Variants in SP100 observed in about 807,000 individuals in gnomAD.
The protein encoded by SP100 is nuclear autoantigen Sp-100.
In SP100, 84 loss-of-function variants were observed where a neutral mutation model predicts 130.0. The observed-to-expected ratio is 0.65, with a 90% CI of 0.54 to 0.77. The LOEUF is 0.77. Among genes scored for constraint, SP100 ranks in the 30% least tolerant of loss-of-function variants. SP100 has a pLI of 0.00. For synonymous variants in SP100, 331 were observed against 351.7 expected, an observed-to-expected ratio of 0.94 and a Z score of 0.66; for missense variants, 978 against 1,052.2, an observed-to-expected ratio of 0.93 and a Z score of 0.97.
rs759665518 is a variant in SP100 at position 230,450,240 on chromosome 2, C to T, written c.805C>T (p.Pro269Ser). The change falls in exon 8 of 29, where the codon CCC becomes TCC. Residue 269 changes from proline (P) to serine (S), a missense_variant. Transcript: ENST00000340126. ...DAGREMPCPLPCDEESPEAEL... is the reference protein window; with the variant it reads ...DAGREMPCPLSCDEESPEAEL... The stretch of plus-strand genomic sequence containing the variant: ...TGGAAGGGAGATGCCCTGCCCGTTG[C>T]CCTGTGATGAAGAAAGTAATTATTG... 6.2e-7 allele frequency: 1 copy of T among 1,612,762 alleles called. No homozygotes were observed. The highest frequency in any genetic ancestry group is 8.5e-7 in the Non-Finnish European group (1 of 1,178,970).
At chr2:230,522,613 C>T (rs556148170) in intron 24 of SP100, among the ~76,000 whole-genome samples, 36 of 151,256 alleles carry the variant, frequency 2.4e-4, no homozygotes, top group African/African-American at 7.0e-4. Flanking sequence ...CTCAGCCTCC[C>T]GAGTAGCTGG....
intron 2 of SP100, among the ~76,000 whole-genome samples, chr2:230,433,082 CAG>C (rs1379648508): frequency 6.6e-6 from 1 of 152,140 alleles, no homozygotes; most frequent in Admixed American, 6.5e-5. Context: ...AAACTAAGCA[CAG>C]AGTCTTTTGT....
intron 8 of SP100, among the ~76,000 whole-genome samples, chr2:230,453,768 A>T (rs1218629966): frequency 6.6e-6 from 1 of 152,144 alleles, no homozygotes; most frequent in African/African-American, 2.4e-5. Context: ...CTTTTCTTGT[A>T]GTGTTCATGT....
intron 8 of SP100, among the ~76,000 whole-genome samples, chr2:230,455,120 AC>A (rs2064204354): frequency 6.6e-6 from 1 of 151,898 alleles, no homozygotes; most frequent in Non-Finnish European, 1.5e-5. Context: ...TGTCACCCAG[AC>A]TGGAGTGCAC....
chr2:230,541,867 C>T lies in SP100; in HGVS notation c.2404-25C>T, dbSNP rs1219819604. ...GAGTCTATGGCACTGGGCTGATAGCCTCATTTTGGTCTTTTACTCAACAGA... is the reference window on the plus strand; with the variant it reads ...GAGTCTATGGCACTGGGCTGATAGCTTCATTTTGGTCTTTTACTCAACAGA... On this transcript the variant is annotated intron_variant, in intron 27 of 28. Transcript: ENST00000340126. 3.1e-6 allele frequency: 5 copies of T among 1,609,402 alleles called. No individual in the cohort carries two copies. In the South Asian group the frequency reaches 5.5e-5, roughly 18 times the overall value.
At chr2:230,473,178 G>A in intron 15 of SP100, 146 bp from the exon 16 acceptor site, 1 of 563,084 alleles carries the variant, frequency 1.8e-6, no homozygotes, top group African/African-American at 1.9e-5. Flanking sequence ...AATACAGTGA[G>A]GAACCACAAA....
intron 24 of SP100, among the ~76,000 whole-genome samples, chr2:230,517,345 A>G (rs189164568): frequency 1.2e-4 from 18 of 152,370 alleles, no homozygotes; most frequent in Non-Finnish European, 1.9e-4. Context: ...CAGAGTTATA[A>G]TCAAAAGACT....
rs780962221 is a variant in SP100 at position 230,467,214 on chromosome 2, G to A, written c.1290G>A (p.Lys430=). The change falls in exon 13 of 29, where the codon AAG becomes AAA. Residue 430 remains lysine (K), a splice_region_variant and synonymous_variant. Transcript: ENST00000340126. ...CACTGAGAAGCAAGCATGGTGAGAAGGGTAAGAACAGCTCCCTTGACTTCA... is the reference window on the plus strand; with the variant it reads ...CACTGAGAAGCAAGCATGGTGAGAAAGGTAAGAACAGCTCCCTTGACTTCA... The part of the protein sequence containing the change: ...SGALRSKHGE[K]APMTSRSTST... 6 of 1,610,300 alleles carry A rather than the reference G, an allele frequency of 3.7e-6. 1 individual carries two copies. The South Asian group carries it at 6.6e-5, about 18-fold the overall frequency.
Position 230,490,678 on chromosome 2 carries a change from G to A in SP100, c.1601-3738G>A, listed in dbSNP as rs117574000. Among the ~76,000 whole-genome samples, 399 of 152,250 alleles carry A rather than the reference G, an allele frequency of 2.6e-3. 13 individuals carry two copies. The East Asian group carries it at 0.069, about 26-fold the overall frequency. On this transcript the variant is annotated intron_variant, in intron 17 of 28. Transcript: ENST00000340126. ...TCTTTCAGGAGCTCTTGCAAGGCAG[G>A]CCTAGTAGTAACAAAATCCCTCAGC...
At chr2:230,428,602 C>T (rs2063008384) in intron 2 of SP100, among the ~76,000 whole-genome samples, 1 of 152,174 alleles carries the variant, frequency 6.6e-6, no homozygotes, top group Admixed American at 6.5e-5. Context: ...GCCACCACAC[C>T]CAGCTATTTT....
At chr2:230,515,535 A>C in intron 24 of SP100, 1 of 1,603,400 alleles carries the variant, frequency 6.2e-7, no homozygotes, top group Non-Finnish European at 8.5e-7. Context: ...CTAATTCAGC[A>C]AAAAAGAGAG....
At chr2:230,439,580 C>T (rs2063404270) in intron 2 of SP100, among the ~76,000 whole-genome samples, 1 of 148,388 alleles carries the variant, frequency 6.7e-6, no homozygotes, top group Non-Finnish European at 1.5e-5. Context: ...TGTTGTTTTG[C>T]TTTGTTTTTT....
At chr2:230,425,767 C>A (rs1373882197) in intron 2 of SP100, among the ~76,000 whole-genome samples, 1 of 151,006 alleles carries the variant, frequency 6.6e-6, no homozygotes, top group Non-Finnish European at 1.5e-5. Context: ...AGGTAATGCT[C>A]ATAAAATTAG....
At chr2:230,431,471 G>A (rs1445052326) in intron 2 of SP100, among the ~76,000 whole-genome samples, 1 of 152,190 alleles carries the variant, frequency 6.6e-6, no homozygotes, top group Non-Finnish European at 1.5e-5. Flanking sequence ...CTCAGGTTTT[G>A]TGGTCCAAGG....
At chr2:230,425,262 A>G (rs1286888601) in intron 2 of SP100, among the ~76,000 whole-genome samples, 1 of 152,182 alleles carries the variant, frequency 6.6e-6, no homozygotes, top group Non-Finnish European at 1.5e-5. Flanking sequence ...TCCATCTTAT[A>G]ACTGAAAGTC....
chr2:230,504,274 G>A lies in SP100; in HGVS notation c.1854G>A (p.Lys618=), dbSNP rs1436211723. 1.9e-6 allele frequency: 3 copies of A among 1,600,974 alleles called. No individual in the cohort carries two copies. The highest frequency in any genetic ancestry group is 2.6e-6 in the Non-Finnish European group (3 of 1,169,122). Residue 618 remains lysine (K), a synonymous_variant, in exon 21 of 29, where the codon AAG becomes AAA. Coordinates refer to ENST00000340126, the MANE Select transcript of SP100 (RefSeq NM_001080391.2). The stretch of plus-strand genomic sequence containing the variant: ...GTGAGGTGAAGGGCACTCTATATAA[G>A]GAGCGATTCAAACAAGGTGAGTTTA... ...TCGEVKGTLY[K]ERFKQGTSKK...
Position 230,504,172 on chromosome 2 carries a change from A to T in SP100, c.1766-14A>T. ...AAAAGTAGATGGAATGGAAAAAAAA[A>T]TGCTTCCTTGCAGGTCCAAGAATTC... is the stretch of plus-strand genomic sequence containing the variant. On this transcript the variant is annotated splice_polypyrimidine_tract_variant and intron_variant, in intron 20 of 28. Coordinates refer to ENST00000340126, the MANE Select transcript of SP100 (RefSeq NM_001080391.2). The T allele has an allele frequency of 6.7e-7, 1 of 1,491,718 alleles. No individual in the cohort carries two copies. The highest frequency in any genetic ancestry group is 9.3e-7 in the Non-Finnish European group (1 of 1,070,502). 92.4% of individuals were successfully genotyped at this position (1,491,718 alleles called of 1,614,324 possible).
chr2:230,449,813 A>G, intron 7 of SP100, 103 bp downstream of exon 7: 1 of 1,227,838 alleles, frequency 8.1e-7, no homozygotes, highest in East Asian at 2.3e-5. Context: ...CTGTTTAACA[A>G]GCAGGGGAAA....
At chr2:230,518,959 A>G (rs1364939345) in intron 24 of SP100, among the ~76,000 whole-genome samples, 1 of 152,178 alleles carries the variant, frequency 6.6e-6, no homozygotes, top group African/African-American at 2.4e-5. Flanking sequence ...TACTACAGAG[A>G]GGTTTTATAG....
Sources: allele counts gnomAD v4.1 joint callset (sites outside exome capture counted in the v4.1 genomes callset), GRCh38; gene constraint gnomAD v4.1.1; transcripts MANE v1.5; gene names NCBI Gene and HGNC (gene_info 2026-07-23, HGNC 2026-07-21).